ASIC2: variants seen among roughly 807,000 people sequenced by gnomAD.
The protein encoded by ASIC2 is acid-sensing ion channel 2.
A neutral mutation model predicts 57.3 loss-of-function variants in ASIC2; 25 were observed. That is an observed-to-expected ratio of 0.44 (90% CI 0.32 to 0.61). ASIC2 has a LOEUF of 0.61. Among genes scored for constraint, ASIC2 ranks in the 20% least tolerant of loss-of-function variants. The pLI, the probability that ASIC2 is intolerant of heterozygous loss-of-function variation, is 0.06. For missense variants in ASIC2, 641 were observed against 738.1 expected (o/e 0.87, Z 1.52); for synonymous variants, 319 against 307.5 (o/e 1.04, Z -0.39).
intron 1 of ASIC2, among the ~76,000 whole-genome samples, chr17:33,553,672 A>G (rs1670094303): frequency 6.6e-6 from 1 of 152,106 alleles, no homozygotes; most frequent in Admixed American, 6.6e-5. Flanking sequence ...ACCTTTATTG[A>G]GTTCTTTCCA....
At chr17:33,028,414 G>T in intron 3 of ASIC2, 22 bp from the exon 4 acceptor site, 2 of 1,613,628 alleles carry the variant, frequency 1.2e-6, no homozygotes, top group Non-Finnish European at 1.7e-6. Context: ...GAAGGAGGGG[G>T]CGGCAGTCAG....
At chr17:33,296,062 G>T (rs1905709283), upstream of ASIC2, among the ~76,000 whole-genome samples, 1 of 151,942 alleles carries the variant, frequency 6.6e-6, no homozygotes, top group Non-Finnish European at 1.5e-5. Context: ...AAAGTGCAGG[G>T]CTTCCCCCCT....
chr17:34,155,909 A>G, intron 1 of ASIC2: 1 of 1,518,248 alleles, frequency 6.6e-7, no homozygotes, highest in East Asian at 2.3e-5. Context: ...CCCCAAACCA[A>G]GCAGGAGACC....
chr17:33,848,862 A>T (rs913911530), intron 1 of ASIC2, among the ~76,000 whole-genome samples: 1 of 152,206 alleles, frequency 6.6e-6, no homozygotes, highest in African/African-American at 2.4e-5. Flanking sequence ...TATTTGTTAA[A>T]CACATTATAT....
chr17:33,415,732 A>G (rs1446424055), intron 1 of ASIC2, among the ~76,000 whole-genome samples: 1 of 152,196 alleles, frequency 6.6e-6, no homozygotes, highest in Non-Finnish European at 1.5e-5. Context: ...GAGAGATTAA[A>G]AGAATAAGAT....
intron 1 of ASIC2, among the ~76,000 whole-genome samples, chr17:33,780,683 T>C (rs1911422610): frequency 1.3e-5 from 2 of 152,216 alleles, no homozygotes; most frequent in Non-Finnish European, 1.5e-5. Context: ...TCAGCAGTTA[T>C]GTGGCGGGCA....
chr17:33,185,026 C>A (rs1025662107), intron 1 of ASIC2, among the ~76,000 whole-genome samples: 1 of 152,148 alleles, frequency 6.6e-6, no homozygotes, highest in African/African-American at 2.4e-5. Context: ...CCTGAAAGAT[C>A]TACTCAATTC....
chr17:33,753,323 G>A (rs1311364999), intron 1 of ASIC2, among the ~76,000 whole-genome samples: 4 of 152,146 alleles, frequency 2.6e-5, no homozygotes, highest in Admixed American at 6.5e-5. Context: ...GGGAAGAAGG[G>A]GTGAAGCTTG....
At chr17:33,399,943 CATT>C (rs1163590568) in intron 1 of ASIC2, among the ~76,000 whole-genome samples, 1 of 152,174 alleles carries the variant, frequency 6.6e-6, no homozygotes, top group Non-Finnish European at 1.5e-5. Flanking sequence ...CTATCTGTCT[CATT>C]AGTTAACTTC....
chr17:34,132,863 C>CT (rs1447163172), intron 1 of ASIC2, among the ~76,000 whole-genome samples: 2 of 152,216 alleles, frequency 1.3e-5, no homozygotes, highest in Non-Finnish European at 2.9e-5. Context: ...ACCATCCATC[C>CT]TGGAAGCCTG....
At chr17:33,621,336 T>C (rs1332637176) in intron 1 of ASIC2, among the ~76,000 whole-genome samples, 1 of 152,240 alleles carries the variant, frequency 6.6e-6, no homozygotes, top group Non-Finnish European at 1.5e-5. Flanking sequence ...AGCCAGTCAG[T>C]AAATGTTTAT....
At chr17:33,065,118 T>A (rs374363765) in intron 3 of ASIC2, among the ~76,000 whole-genome samples, 4 of 152,238 alleles carry the variant, frequency 2.6e-5, no homozygotes, top group African/African-American at 9.6e-5. Flanking sequence ...TTTGAGAGTG[T>A]GTTTAATTTA....
intron 1 of ASIC2, among the ~76,000 whole-genome samples, chr17:33,170,116 A>G (rs1262569046): frequency 2.6e-5 from 4 of 152,214 alleles, no homozygotes; most frequent in African/African-American, 9.6e-5. Context: ...AGTCCTTCCA[A>G]GGGAATCAAG....
At chr17:33,701,672 C>T (rs1472800166) in intron 1 of ASIC2, among the ~76,000 whole-genome samples, 1 of 152,194 alleles carries the variant, frequency 6.6e-6, no homozygotes, top group Non-Finnish European at 1.5e-5. Context: ...GCATTCTATG[C>T]TGAGACAGCC....
In ASIC2 at chr17:33,559,327, C is replaced by A. The variant is rs529044772; in HGVS notation, c.556-447260G>T. ...AGCTCCCCACTTTATCATGGCCTAC[C>A]CCACAGATTCCAGTCACTTCAGTAG... On this transcript the variant is annotated intron_variant, in intron 1 of 9. Transcript: ENST00000359872. Among the ~76,000 whole-genome samples, 6 of 152,248 alleles carry A rather than the reference C, an allele frequency of 3.9e-5. No homozygotes were observed. The South Asian group carries it at 1.2e-3, about 32-fold the overall frequency.
intron 8 of ASIC2, 125 bp downstream of exon 8, chr17:33,017,465 CGACTCTATTGGTGGA>C (rs1235182081): frequency 1.5e-6 from 1 of 682,386 alleles, no homozygotes; most frequent in East Asian, 2.8e-5. Flanking sequence ...CTTCAGTGAT[CGACTCTATTGGTGGA>C]CAGGAGGGGA....
intron 1 of ASIC2, among the ~76,000 whole-genome samples, chr17:33,175,370 G>A (rs1420510248): frequency 6.6e-6 from 1 of 152,042 alleles, no homozygotes; most frequent in East Asian, 1.9e-4. Flanking sequence ...CAAATCCCGT[G>A]GGTAGCTTGT....
At chr17:33,015,475 G>A (rs1286658521) in intron 9 of ASIC2, among the ~76,000 whole-genome samples, 1 of 152,214 alleles carries the variant, frequency 6.6e-6, no homozygotes, top group Non-Finnish European at 1.5e-5. Context: ...AATACAAAGT[G>A]CCTGACAGTG....
chr17:33,678,204 T>A (rs1389169373), intron 1 of ASIC2, among the ~76,000 whole-genome samples: 1 of 152,188 alleles, frequency 6.6e-6, no homozygotes, highest in Non-Finnish European at 1.5e-5. Context: ...TGACTTTTTT[T>A]AGACATACTG....
Sources: allele counts gnomAD v4.1 joint callset (sites outside exome capture counted in the v4.1 genomes callset), GRCh38; gene constraint gnomAD v4.1.1; transcripts MANE v1.5; gene names NCBI Gene and HGNC (gene_info 2026-07-23, HGNC 2026-07-21).